DNAJC19: variants seen among roughly 807,000 people sequenced by gnomAD.
DNAJC19 encodes mitochondrial import inner membrane translocase subunit TIM14.
In DNAJC19, 15 loss-of-function variants were observed where a neutral mutation model predicts 19.8. The ratio of observed to expected loss-of-function variants is 0.76; its 90% CI spans 0.51 to 1.17. The LOEUF is 1.17. Among genes scored for constraint, DNAJC19 ranks in the 50% most tolerant of loss-of-function variants. The probability of loss-of-function intolerance (pLI) is 0.00; values close to 1 mark genes in which losing one functional copy is unlikely to be tolerated. For missense variants in DNAJC19, 105 were observed against 140.9 expected (o/e 0.75, Z 1.29); for synonymous variants, 38 against 42.1 (o/e 0.90, Z 0.38).
At position 180,984,114 on chromosome 3, in the gene DNAJC19, C is replaced by T. The variant is rs1420057542; in HGVS notation, c.*526G>A. The T allele has an allele frequency of 2.2e-6, 1 of 453,912 alleles. No homozygotes were observed. Among genetic ancestry groups the T allele is most frequent in the Admixed American group, 2.4e-5 (1 of 42,542 alleles). The allele number at this position is 453,912 out of a possible 1,614,324, so 28.1% of individuals were successfully genotyped here. A position where few individuals can be genotyped will look rare whatever the true frequency, so the allele number is the denominator to read the frequency against. ...CATAGAATACACACACACACACACC[C>T]CTAGGTCAATTTCTTAGGTCTCAGT... On this transcript the variant is annotated 3_prime_UTR_variant, in exon 6 of 6. Transcript: ENST00000382564.
At chr3:180,989,007 CAAAA>C (rs10585461) in intron 1 of DNAJC19, among the ~76,000 whole-genome samples, 3 of 127,802 alleles carry the variant, frequency 2.3e-5, no homozygotes, top group Non-Finnish European at 5.1e-5. Context: ...GACTCTGTCT[CAAAA>C]AAAAAAAAAA....
chr3:180,988,159 C>T lies in DNAJC19; in HGVS notation c.55+19G>A. On this transcript the variant is annotated intron_variant, in intron 2 of 5. Transcript: ENST00000382564. ...CCAATCTCCCCGACTTCACTTCCAT[C>T]CCCAAACCATAAACAAACCTGCAAA... 2.5e-6 allele frequency: 4 copies of T among 1,614,170 alleles called. No homozygotes were observed. The East Asian group carries it at 8.9e-5, about 36-fold the overall frequency.
rs1426863967 is a variant in DNAJC19 at position 180,989,607 on chromosome 3, C to G, written c.-5G>C. ...CCGGAAGGCCGCACTCACCATGGCT[C>G]CGGCTGGGCTCCCTTGCTTCCACCG... On this transcript the variant is annotated 5_prime_UTR_variant, in exon 1 of 6. Transcript: ENST00000382564. 2 of 1,587,640 alleles carry G rather than the reference C, an allele frequency of 1.3e-6. No homozygotes were observed. Among genetic ancestry groups the G allele is most frequent in the South Asian group, 2.3e-5 (2 of 86,762 alleles).
At position 180,988,357 on chromosome 3, in the gene DNAJC19, T is replaced by C. The variant is rs13097207; in HGVS notation, c.4-128A>G. 133,647 of 891,362 alleles carry C rather than the reference T, an allele frequency of 0.15. 3,467 individuals are homozygous for C. Among genetic ancestry groups the C allele is most frequent in the South Asian group, 0.21 (11,718 of 56,562 alleles). 55.2% of individuals were successfully genotyped at this position (891,362 alleles called of 1,614,324 possible). A position where few individuals can be genotyped will look rare whatever the true frequency, so the allele number is the denominator to read the frequency against. ...GGAGAAACAACTTTTTTTTTTCTTT[T>C]TTTTTTTTTTTTTTTAAGAGACGGA... On this transcript the variant is annotated intron_variant, in intron 1 of 5. Coordinates refer to ENST00000382564, the MANE Select transcript of DNAJC19 (RefSeq NM_145261.4).
At position 180,987,065 on chromosome 3, in the gene DNAJC19, A is replaced by C. The variant is rs1376898975; in HGVS notation, c.130-43T>G. On this transcript the variant is annotated intron_variant, in intron 3 of 5. Coordinates refer to ENST00000382564, the MANE Select transcript of DNAJC19 (RefSeq NM_145261.4). The stretch of plus-strand genomic sequence containing the variant: ...TTTGTAAAGAAAGGTTAATAAAATA[A>C]AGTTGCTTTAAAAAAGACGTCTGGA... 3.8e-6 allele frequency: 6 copies of C among 1,570,026 alleles called. No individual in the cohort carries two copies. The East Asian group carries it at 1.1e-4, about 29-fold the overall frequency.
At chr3:180,985,787 TA>T in intron 5 of DNAJC19, 138 bp downstream of exon 5, 1 of 740,942 alleles carries the variant, frequency 1.3e-6, no homozygotes, top group Non-Finnish European at 2.3e-6. Context: ...ACACCAAAAA[TA>T]TATGGCTCCA....
chr3:180,983,980 T>G lies in DNAJC19; in HGVS notation c.*660A>C. On this transcript the variant is annotated 3_prime_UTR_variant, in exon 6 of 6. Transcript: ENST00000382564. ...TGGGAGGCTGAGGCGGGAGGACTGC[T>G]TAAACCCAGGAGGTTGAGGCTGCAA... 2.2e-6 allele frequency: 1 copy of G among 453,968 alleles called. No individual in the cohort carries two copies. The highest frequency in any genetic ancestry group is 1.6e-5 in the South Asian group (1 of 64,474). 28.1% of individuals were successfully genotyped at this position (453,968 alleles called of 1,614,324 possible). A position where few individuals can be genotyped will look rare whatever the true frequency, so the allele number is the denominator to read the frequency against.
chr3:180,988,362 T>TC, intron 1 of DNAJC19, 133 bp from the exon 2 acceptor site: 1 of 1,084,658 alleles, frequency 9.2e-7, no homozygotes, highest in Non-Finnish European at 1.3e-6. Context: ...TCTTTTTTTT[T>TC]TTTTTTTTTT....
At position 180,989,632 on chromosome 3, in the gene DNAJC19, G is replaced by C. The variant is rs977872020; in HGVS notation, c.-30C>G. 4 of 1,584,598 alleles carry C rather than the reference G, an allele frequency of 2.5e-6. No individual in the cohort carries two copies. The highest frequency in any genetic ancestry group is 1.2e-5 in the South Asian group (1 of 86,552). Reference sequence around the variant, plus strand: ...CCGGCTGGGCTCCCTTGCTTCCACCGGGAGCACGGCTCATCCCAGCTCAGA... The same window carrying C: ...CCGGCTGGGCTCCCTTGCTTCCACCCGGAGCACGGCTCATCCCAGCTCAGA... On this transcript the variant is annotated 5_prime_UTR_variant, in exon 1 of 6. Transcript: ENST00000382564.
At chr3:180,985,586 A>AT in intron 5 of DNAJC19, 1 of 265,734 alleles carries the variant, frequency 3.8e-6, no homozygotes. Flanking sequence ...AATAAATCCC[A>AT]TAAGTTTCTA....
chr3:180,985,881 A>G (rs183212583), intron 5 of DNAJC19, 45 bp downstream of exon 5: 5 of 1,492,548 alleles, frequency 3.3e-6, no homozygotes, highest in Admixed American at 1.7e-5. Flanking sequence ...ATTAATAACT[A>G]TTGGTCACAC....
rs1345315669 is a variant in DNAJC19, at chr3:180,983,852, T to C, written c.*788A>G. ...CATAACAATTGCAGAAGTTTGATTA[T>C]GTCAAGAAATAGCCAACTGAAGGAA... On this transcript the variant is annotated 3_prime_UTR_variant, in exon 6 of 6. Coordinates refer to ENST00000382564, the MANE Select transcript of DNAJC19 (RefSeq NM_145261.4). 6.6e-6 allele frequency: 3 copies of C among 453,924 alleles called. No individual in the cohort carries two copies. The highest frequency in any genetic ancestry group is 1.6e-5 in the South Asian group (1 of 64,466). 28.1% of individuals were successfully genotyped at this position (453,924 alleles called of 1,614,324 possible). A position where few individuals can be genotyped will look rare whatever the true frequency, so the allele number is the denominator to read the frequency against.
At position 180,989,723 on chromosome 3, in the gene DNAJC19, G is replaced by A. The variant is rs886058205; in HGVS notation, c.-121C>T. On this transcript the variant is annotated 5_prime_UTR_variant, in exon 1 of 6. Transcript: ENST00000382564. ...GCAACCCCCAACCTCAAGCACAGGCGCCCTACGCAACACGGCAGGAGCAGC... is the reference window on the plus strand; with the variant it reads ...GCAACCCCCAACCTCAAGCACAGGCACCCTACGCAACACGGCAGGAGCAGC... 7 of 1,506,400 alleles carry A rather than the reference G, an allele frequency of 4.6e-6. No homozygotes were observed. The highest frequency in any genetic ancestry group is 1.4e-5 in the African/African-American group (1 of 72,312). The allele number at this position is 1,506,400 out of a possible 1,614,324, so 93.3% of individuals were successfully genotyped here.
rs1485622925 is a variant in DNAJC19, at chr3:180,989,255, G to A, written c.3+345C>T. 4 of 1,210,762 alleles carry A rather than the reference G, an allele frequency of 3.3e-6. No homozygotes were observed. The African/African-American group carries it at 6.2e-5, about 19-fold the overall frequency. The allele number at this position is 1,210,762 out of a possible 1,614,324, so 75.0% of individuals were successfully genotyped here. A position where few individuals can be genotyped will look rare whatever the true frequency, so the allele number is the denominator to read the frequency against. On this transcript the variant is annotated intron_variant, in intron 1 of 5. Transcript: ENST00000382564. ...GACATAGCAAAGTGGAGCTAGTGCTGTGAAGATGTGTTAGGGCAAGGGCAC... is the reference window on the plus strand; with the variant it reads ...GACATAGCAAAGTGGAGCTAGTGCTATGAAGATGTGTTAGGGCAAGGGCAC...
intron 1 of DNAJC19, 195 bp downstream of exon 1, chr3:180,989,405 C>A (rs1715100362): frequency 1.4e-5 from 20 of 1,440,550 alleles, no homozygotes; most frequent in Non-Finnish European, 1.8e-5. Context: ...TGCAGAAAGA[C>A]GATGTAAAAA....
At chr3:180,988,924 G>A (rs1715069122) in intron 1 of DNAJC19, among the ~76,000 whole-genome samples, 1 of 151,512 alleles carries the variant, frequency 6.6e-6, no homozygotes, top group Non-Finnish European at 1.5e-5. Flanking sequence ...GCAGGAGAAT[G>A]GCGAACCCGG....
intron 1 of DNAJC19, 140 bp downstream of exon 1, chr3:180,989,460 A>T: frequency 6.6e-7 from 1 of 1,523,272 alleles, no homozygotes; most frequent in Non-Finnish European, 8.8e-7. Flanking sequence ...TGTCCTGGTG[A>T]GTGTGACTCC....
At position 180,988,168 on chromosome 3, in the gene DNAJC19, A is replaced by G. The variant is rs772260835; in HGVS notation, c.55+10T>C. 3.1e-6 allele frequency: 5 copies of G among 1,614,144 alleles called. No homozygotes were observed. Among genetic ancestry groups the G allele is most frequent in the East Asian group, 4.5e-5 (2 of 44,876 alleles). ...CCGACTTCACTTCCATCCCCAAACC[A>G]TAAACAAACCTGCAAATCCTGCAGC... On this transcript the variant is annotated intron_variant, in intron 2 of 5. Transcript: ENST00000382564.
chr3:180,987,889 ACT>A, intron 3 of DNAJC19, 132 bp downstream of exon 3: 1 of 1,060,906 alleles, frequency 9.4e-7, no homozygotes, highest in East Asian at 2.4e-5. Context: ...GAACTTCTAT[ACT>A]CTCCTTGCAG....
Sources: allele counts gnomAD v4.1 joint callset (sites outside exome capture counted in the v4.1 genomes callset), GRCh38; gene constraint gnomAD v4.1.1; transcripts MANE v1.5; gene names NCBI Gene and HGNC (gene_info 2026-07-23, HGNC 2026-07-21).